Variants in TMEM132D observed in about 807,000 individuals in gnomAD.
The protein encoded by TMEM132D is mature OL transmembrane protein.
Under a neutral mutation model 62.3 loss-of-function variants are expected in TMEM132D, and 21 were observed. That is an observed-to-expected ratio of 0.34 (90% confidence interval 0.24 to 0.49). TMEM132D has a LOEUF of 0.49. Among genes scored for constraint, TMEM132D ranks in the 20% least tolerant of loss-of-function variants. The pLI is 0.99. For missense variants in TMEM132D, 1,346 were observed against 1,402.8 expected (o/e 0.96, Z 0.65); for synonymous variants, 621 against 575.6 (o/e 1.08, Z -1.13).
At chr12:129,332,047 C>T (rs186477784) in intron 4 of TMEM132D, among the ~76,000 whole-genome samples, 6 of 152,228 alleles carry the variant, frequency 3.9e-5, no homozygotes, top group African/African-American at 1.2e-4. Context: ...CCCATCTCTA[C>T]TAAAATATAA....
chr12:129,824,988 T>C (rs1402897954), intron 1 of TMEM132D, among the ~76,000 whole-genome samples: 2 of 151,516 alleles, frequency 1.3e-5, no homozygotes, highest in African/African-American at 4.9e-5. Context: ...GCTCACTTCG[T>C]TCCTTTAACA....
intron 1 of TMEM132D, among the ~76,000 whole-genome samples, chr12:129,891,143 C>T (rs2137394043): frequency 6.6e-6 from 1 of 152,278 alleles, no homozygotes; most frequent in East Asian, 1.9e-4. Flanking sequence ...CCTTCTTCCT[C>T]ATAACCTTGA....
intron 3 of TMEM132D, among the ~76,000 whole-genome samples, chr12:129,527,769 G>A (rs1036576613): frequency 6.6e-6 from 1 of 152,178 alleles, no homozygotes; most frequent in African/African-American, 2.4e-5. Context: ...CAGCATAATT[G>A]GTTATCCTGC....
chr12:129,501,281 A>G (rs979766152), intron 3 of TMEM132D, among the ~76,000 whole-genome samples: 1 of 152,212 alleles, frequency 6.6e-6, no homozygotes, highest in African/African-American at 2.4e-5. Flanking sequence ...AAGTTTACTT[A>G]GACGATCCTA....
intron 3 of TMEM132D, among the ~76,000 whole-genome samples, chr12:129,492,148 T>C (rs1397524339): frequency 2.0e-5 from 3 of 152,220 alleles, no homozygotes; most frequent in Non-Finnish European, 2.9e-5. Context: ...TAGTGTCTTC[T>C]CTTTTTCTTT....
intron 4 of TMEM132D, chr12:129,210,855 C>A (rs1380595867): frequency 1.3e-5 from 2 of 152,292 alleles, no homozygotes; most frequent in Admixed American, 1.3e-4. Context: ...TTTTCAGGCA[C>A]ACCTATGCCT....
At chr12:129,178,883 AG>A (rs1214080310) in intron 5 of TMEM132D, among the ~76,000 whole-genome samples, 2 of 152,256 alleles carry the variant, frequency 1.3e-5, no homozygotes, top group African/African-American at 4.8e-5. Flanking sequence ...AAGGAACACC[AG>A]CAGATGTAAT....
chr12:129,898,799 C>T (rs1394411811), intron 1 of TMEM132D, among the ~76,000 whole-genome samples: 1 of 152,238 alleles, frequency 6.6e-6, no homozygotes, highest in Non-Finnish European at 1.5e-5. Flanking sequence ...CTACGGTACT[C>T]CCTGTGCCCA....
chr12:129,228,774 G>C (rs1179977257), intron 4 of TMEM132D, among the ~76,000 whole-genome samples: 1 of 152,198 alleles, frequency 6.6e-6, no homozygotes, highest in Non-Finnish European at 1.5e-5. Flanking sequence ...CAATTCCGAT[G>C]CTGTTATGAT....
chr12:129,110,403 T>A (rs527413079), intron 5 of TMEM132D: 2 of 151,776 alleles, frequency 1.3e-5, no homozygotes, highest in East Asian at 3.9e-4. Flanking sequence ...CCATGAAGCC[T>A]TTTGATTCCT....
chr12:129,191,782 C>T (rs1309294854), intron 5 of TMEM132D, among the ~76,000 whole-genome samples: 1 of 151,326 alleles, frequency 6.6e-6, no homozygotes, highest in Non-Finnish European at 1.5e-5. Context: ...CACACACATA[C>T]ACACACACAC....
chr12:129,102,819 T>G (rs1875357841), intron 5 of TMEM132D, among the ~76,000 whole-genome samples: 1 of 152,232 alleles, frequency 6.6e-6, no homozygotes. Context: ...TGCTTCATAT[T>G]TGGCCCAAAT....
At chr12:129,385,169 G>A (rs576744592) in intron 3 of TMEM132D, among the ~76,000 whole-genome samples, 73 of 141,078 alleles carry the variant, frequency 5.2e-4, no homozygotes, top group African/African-American at 1.7e-3. Context: ...GCAGTGGTGC[G>A]ATCTTGGCTC....
chr12:129,852,808 GTTTTATGCGC>G (rs1459254934), intron 1 of TMEM132D: 1 of 152,138 alleles, frequency 6.6e-6, no homozygotes, highest in African/African-American at 2.4e-5. Flanking sequence ...TGTCATTTGT[GTTTTATGCGC>G]TTTTCACTGT....
At chr12:129,413,601 C>CTT (rs938472734) in intron 3 of TMEM132D, among the ~76,000 whole-genome samples, 3 of 152,272 alleles carry the variant, frequency 2.0e-5, no homozygotes, top group Admixed American at 1.3e-4. Context: ...TAGATACATC[C>CTT]TTTTCTTTTT....
chr12:129,185,526 C>T (rs2135553212), intron 5 of TMEM132D, among the ~76,000 whole-genome samples: 1 of 151,824 alleles, frequency 6.6e-6, no homozygotes, highest in African/African-American at 2.4e-5. Flanking sequence ...TTTTATTTTT[C>T]ATCACTTTTA....
chr12:129,420,871 G>A (rs978107791), intron 3 of TMEM132D, among the ~76,000 whole-genome samples: 2 of 152,074 alleles, frequency 1.3e-5, no homozygotes, highest in African/African-American at 4.8e-5. Context: ...GTTAGGTATG[G>A]AGTTTGATGT....
intron 4 of TMEM132D, among the ~76,000 whole-genome samples, chr12:129,304,737 C>T (rs527875283): frequency 7.0e-6 from 1 of 143,794 alleles, no homozygotes; most frequent in Non-Finnish European, 1.5e-5. Flanking sequence ...AATCTCAGCT[C>T]ACTGAAATCT....
At chr12:129,843,035 C>CA (rs1409104814) in intron 1 of TMEM132D, among the ~76,000 whole-genome samples, 11 of 151,938 alleles carry the variant, frequency 7.2e-5, no homozygotes, top group African/African-American at 2.7e-4. Context: ...CCAGATATGG[C>CA]AAAAAACGTA....
Sources: gnomAD v4.1 joint callset for allele counts (sites outside exome capture counted in the v4.1 genomes callset) on GRCh38, gnomAD v4.1.1 for gene constraint, MANE v1.5 for transcripts, NCBI Gene and HGNC (gene_info 2026-07-23, HGNC 2026-07-21) for gene names.